The following RTL4 variants were observed in gnomAD, a reference collection of about 807,000 sequenced individuals.
The protein encoded by RTL4 is retrotransposon Gag like 4.
Under a neutral mutation model 5.3 loss-of-function variants are expected in RTL4, and 4 were observed. That is an observed-to-expected ratio of 0.75 (90% CI 0.37 to 1.72). The LOEUF is 1.72. Among genes scored for constraint, RTL4 ranks in the 40% most tolerant of loss-of-function variants. RTL4 has a pLI of 0.04. For missense variants in RTL4, 260 were observed against 227.1 expected (o/e 1.14, Z -0.93); for synonymous variants, 98 against 87.3 (o/e 1.12, Z -0.68).
At chrX:112,327,523 T>C in the RTL4 span, among the ~76,000 whole-genome samples, 631 of 109,215 alleles carry the variant, frequency 5.8e-3, 5 homozygotes, top group African/African-American at 0.02. Flanking sequence ...ACCAAATCTA[T>C]GTCTGATTGG....
chrX:112,325,943 C>A, the RTL4 span, among the ~76,000 whole-genome samples: 1 of 111,971 alleles, frequency 8.9e-6, no homozygotes, highest in African/African-American at 3.2e-5. Flanking sequence ...AAGAACTCAA[C>A]ACATTTACAA....
the RTL4 span, among the ~76,000 whole-genome samples, chrX:112,238,476 C>T: frequency 0.01 from 1,115 of 111,196 alleles, 10 homozygotes; most frequent in African/African-American, 0.034. Flanking sequence ...TTGAAAGACA[C>T]CTAGGATATT....
the RTL4 span, among the ~76,000 whole-genome samples, chrX:112,231,814 A>G: frequency 2.5e-4 from 28 of 111,242 alleles, no homozygotes; most frequent in African/African-American, 8.8e-4. Context: ...TATTGTCCCT[A>G]TTTTACAGAT....
At chrX:112,261,226 C>G in the RTL4 span, among the ~76,000 whole-genome samples, 1 of 111,183 alleles carries the variant, frequency 9.0e-6, no homozygotes, top group Non-Finnish European at 1.9e-5. Context: ...AAAGGGTATT[C>G]AATTAGGAAA....
chrX:112,426,328 A>T, the RTL4 span, among the ~76,000 whole-genome samples: 25,548 of 110,495 alleles, frequency 0.23, 2,278 homozygotes, highest in Middle Eastern at 0.29. Context: ...TTATATTAAA[A>T]TTTGAAATCC....
At chrX:112,451,840 C>A (rs148462591), upstream of RTL4, among the ~76,000 whole-genome samples, 10 of 111,522 alleles carry the variant, frequency 9.0e-5, no homozygotes, top group East Asian at 2.8e-3. Context: ...AATCTTCTAC[C>A]TGCAAATATG....
the RTL4 span, among the ~76,000 whole-genome samples, chrX:112,085,004 G>A: frequency 8.9e-6 from 1 of 112,472 alleles, no homozygotes; most frequent in East Asian, 2.8e-4. Flanking sequence ...CCATACAAAT[G>A]CCAGGCATTA....
At chrX:112,412,530 G>A in the RTL4 span, among the ~76,000 whole-genome samples, 1 of 111,277 alleles carries the variant, frequency 9.0e-6, no homozygotes, top group African/African-American at 3.3e-5. Context: ...AAGCAGAGTA[G>A]AAAAGTCAGA....
the RTL4 span, among the ~76,000 whole-genome samples, chrX:112,428,910 C>A: frequency 1.5e-4 from 17 of 111,412 alleles, no homozygotes; most frequent in Admixed American, 4.8e-4. Context: ...TTCCCCTTTA[C>A]CCCTAATAAC....
chrX:112,183,024 A>G, the RTL4 span, among the ~76,000 whole-genome samples: 1 of 112,389 alleles, frequency 8.9e-6, no homozygotes, highest in Non-Finnish European at 1.9e-5. Context: ...TTCTTAAAGA[A>G]AAGAATTTTC....
At chrX:112,096,341 G>T in the RTL4 span, among the ~76,000 whole-genome samples, 4 of 111,881 alleles carry the variant, frequency 3.6e-5, no homozygotes, top group Admixed American at 9.5e-5. Flanking sequence ...CACATAGAAG[G>T]TTGCAACCAA....
the RTL4 span, among the ~76,000 whole-genome samples, chrX:112,159,674 G>A: frequency 1.6e-4 from 18 of 110,979 alleles, no homozygotes; most frequent in Non-Finnish European, 2.8e-4. Flanking sequence ...ACCTCTGGTC[G>A]TTCTTCATTG....
At chrX:112,355,775 G>A in the RTL4 span, among the ~76,000 whole-genome samples, 2 of 111,508 alleles carry the variant, frequency 1.8e-5, no homozygotes, top group African/African-American at 6.5e-5. Flanking sequence ...TTCACAGAAA[G>A]TGCCAGCCTG....
At chrX:112,312,043 GCAATAATATTAA>G in the RTL4 span, among the ~76,000 whole-genome samples, 1 of 111,021 alleles carries the variant, frequency 9.0e-6, no homozygotes, top group Non-Finnish European at 1.9e-5. Context: ...CATTCTCTTG[GCAATAATATTAA>G]CAATAATATT....
chrX:112,321,404 C>T, the RTL4 span, among the ~76,000 whole-genome samples: 89 of 108,929 alleles, frequency 8.2e-4, no homozygotes, highest in African/African-American at 2.7e-3. Flanking sequence ...GGTGTGGTGG[C>T]GCGTGCCTGT....
the RTL4 span, among the ~76,000 whole-genome samples, chrX:112,434,342 G>A: frequency 4.5e-5 from 5 of 110,192 alleles, no homozygotes; most frequent in South Asian, 3.9e-4. Flanking sequence ...GGTAGAATTC[G>A]GCTGTGAATC....
At chrX:112,448,617 T>C in the RTL4 span, among the ~76,000 whole-genome samples, 1 of 111,723 alleles carries the variant, frequency 9.0e-6, no homozygotes, top group Non-Finnish European at 1.9e-5. Context: ...GTGGTAATCC[T>C]AGCTCTGCTT....
the RTL4 span, among the ~76,000 whole-genome samples, chrX:112,225,989 T>C: frequency 8.9e-6 from 1 of 111,915 alleles, no homozygotes. Flanking sequence ...TTTTAAGCTA[T>C]ATATGTGAAG....
chrX:112,253,880 A>G, the RTL4 span, among the ~76,000 whole-genome samples: 19 of 111,659 alleles, frequency 1.7e-4, no homozygotes, highest in African/African-American at 5.5e-4. Flanking sequence ...TTGGCCTGTT[A>G]CACCAGCTTA....
Sources: gnomAD v4.1 joint callset for allele counts (sites outside exome capture counted in the v4.1 genomes callset) on GRCh38, gnomAD v4.1.1 for gene constraint, MANE v1.5 for transcripts, NCBI Gene and HGNC (gene_info 2026-07-23, HGNC 2026-07-21) for gene names.